SH2D4B: variants seen among roughly 807,000 people sequenced by gnomAD.
SH2D4B encodes the protein SH2 domain-containing protein 4B.
Under a neutral mutation model 61.5 loss-of-function variants are expected in SH2D4B, and 45 were observed. That is an observed-to-expected ratio of 0.73 (90% CI 0.58 to 0.94). SH2D4B has a LOEUF of 0.94. SH2D4B is among the 40% of genes least tolerant of loss of function. The pLI, the probability that SH2D4B is intolerant of heterozygous loss-of-function variation, is 0.00. For missense variants in SH2D4B, 572 were observed against 574.2 expected (o/e 1.00, Z 0.04); for synonymous variants, 224 against 220.4 (o/e 1.02, Z -0.14).
chr10:80,549,431 C>T (rs958194985), intron 1 of SH2D4B, among the ~76,000 whole-genome samples: 2 of 152,190 alleles, frequency 1.3e-5, no homozygotes, highest in African/African-American at 4.8e-5. Context: ...TGTTCTGCCT[C>T]CATACAGCAG....
intron 1 of SH2D4B, among the ~76,000 whole-genome samples, chr10:80,556,074 C>T (rs564249206): frequency 1.3e-5 from 2 of 151,892 alleles, no homozygotes; most frequent in East Asian, 3.9e-4. Flanking sequence ...CATATATGAC[C>T]TTTCTCACTC....
Position 80,538,436 on chromosome 10 carries a change from G to T in SH2D4B, c.105G>T (p.Gln35His). 1 of 1,496,286 alleles carries T rather than the reference G, an allele frequency of 6.7e-7. No homozygotes were observed. 92.7% of individuals were successfully genotyped at this position (1,496,286 alleles called of 1,614,324 possible). A position where few individuals can be genotyped will look rare whatever the true frequency, so the allele number is the denominator to read the frequency against. Residue 35 changes from glutamine (Q) to histidine (H), a missense_variant, in exon 1 of 8, where the codon CAG (glutamine) becomes CAT (histidine). Physicochemically the swap from Gln to His is conservative, Grantham distance 24. Coordinates refer to ENST00000646907, the MANE Select transcript of SH2D4B (RefSeq NM_001388272.1). This position sits in a 1 kb window ranked among gnomAD's most constrained non-coding sequence, Gnocchi z 4.8. ...TCTTCTACAAAATGCGGGAGGAGCA[G>T]CTGAGGCGCTGGAAGGAGCGGGAGA... Reference protein sequence around the residue: ...HILFYKMREEQLRRWKERETW... With the variant: ...HILFYKMREEHLRRWKERETW...
chr10:80,627,625 A>G lies in SH2D4B; in HGVS notation c.989-6660A>G, dbSNP rs533904433. Among the ~76,000 whole-genome samples, 11 of 151,758 alleles carry G rather than the reference A, an allele frequency of 7.2e-5. No individual in the cohort carries two copies. The South Asian group carries it at 2.3e-3, about 32-fold the overall frequency. On this transcript the variant is annotated intron_variant, in intron 6 of 7. Coordinates refer to ENST00000646907, the MANE Select transcript of SH2D4B (RefSeq NM_001388272.1). ...GCCTTTATCACCATTGCTCACAGTT[A>G]GCCTTTTATTTTTATATTACAAAAT...
At chr10:80,570,047 C>A (rs759410691) in intron 1 of SH2D4B, 107 bp from the exon 2 acceptor site, 2 of 1,348,192 alleles carry the variant, frequency 1.5e-6, no homozygotes, top group Non-Finnish European at 1.0e-6. Flanking sequence ...TTGTGGATGA[C>A]AATGTTCCAT....
chr10:80,560,291 C>CT (rs1362453868), intron 1 of SH2D4B, among the ~76,000 whole-genome samples: 1 of 151,488 alleles, frequency 6.6e-6, no homozygotes, highest in East Asian at 1.9e-4. Context: ...CCGGCTGCAC[C>CT]TTTTTTTTAT....
chr10:80,538,664 C>A lies in SH2D4B; in HGVS notation c.184+149C>A. On this transcript the variant is annotated intron_variant, in intron 1 of 7. Transcript: ENST00000646907. This position sits in a 1 kb window ranked among gnomAD's most constrained non-coding sequence, Gnocchi z 4.8. ...ACCCTTGTCTTGTGGGCATCAGGTC[C>A]CATGAGCCTGTGCTTTTGCCTTTTG... 1 of 676,384 alleles carries A rather than the reference C, an allele frequency of 1.5e-6. No individual in the cohort carries two copies. The highest frequency in any genetic ancestry group is 4.3e-5 in the Admixed American group (1 of 23,270). The allele number at this position is 676,384 out of a possible 1,614,324, so 41.9% of individuals were successfully genotyped here.
At chr10:80,598,486 C>G (rs1842411221) in intron 4 of SH2D4B, among the ~76,000 whole-genome samples, 1 of 152,146 alleles carries the variant, frequency 6.6e-6, no homozygotes. Flanking sequence ...CTTAGCCTTT[C>G]TTAAAGAATG....
chr10:80,644,171 C>T lies in SH2D4B; in HGVS notation c.*86C>T, dbSNP rs1158113121. ...TTCTCATCTCAAATCCTATGGCCTTCTGGAAGATCCACCACTATCCAAAGG... is the reference window on the plus strand; with the variant it reads ...TTCTCATCTCAAATCCTATGGCCTTTTGGAAGATCCACCACTATCCAAAGG... On this transcript the variant is annotated 3_prime_UTR_variant, in exon 8 of 8. Coordinates refer to ENST00000646907, the MANE Select transcript of SH2D4B (RefSeq NM_001388272.1). The T allele has an allele frequency of 3.8e-6, 4 of 1,063,758 alleles. No homozygotes were observed. The Admixed American group carries it at 7.8e-5, about 21-fold the overall frequency. The allele number at this position is 1,063,758 out of a possible 1,614,324, so 65.9% of individuals were successfully genotyped here.
At chr10:80,563,102 C>T (rs1294710036) in intron 1 of SH2D4B, among the ~76,000 whole-genome samples, 1 of 151,522 alleles carries the variant, frequency 6.6e-6, no homozygotes, top group Non-Finnish European at 1.5e-5. Context: ...GGGGTTTCAC[C>T]GTTTTAGCCG....
At chr10:80,582,821 C>T (rs993152271) in intron 3 of SH2D4B, among the ~76,000 whole-genome samples, 1 of 152,194 alleles carries the variant, frequency 6.6e-6, no homozygotes, top group Non-Finnish European at 1.5e-5. Flanking sequence ...GCAGGCAGTC[C>T]TGCTTGCAGC....
intron 6 of SH2D4B, among the ~76,000 whole-genome samples, chr10:80,618,583 C>T (rs1842683929): frequency 6.6e-6 from 1 of 152,114 alleles, no homozygotes; most frequent in Admixed American, 6.5e-5. Flanking sequence ...ATAATTCCAG[C>T]CTCCTTAATG....
chr10:80,607,013 T>A (rs1001271919), intron 5 of SH2D4B, among the ~76,000 whole-genome samples: 3 of 152,154 alleles, frequency 2.0e-5, no homozygotes, highest in Non-Finnish European at 2.9e-5. Flanking sequence ...TGCCATAGAT[T>A]AGCTGAAAAA....
rs1840352710 is a variant in SH2D4B, at chr10:80,643,993, G to C, written c.1210G>C (p.Glu404Gln). The C allele has an allele frequency of 6.2e-7, 1 of 1,612,644 alleles. No homozygotes were observed. The highest frequency in any genetic ancestry group is 8.5e-7 in the Non-Finnish European group (1 of 1,179,360). ...GATTTTCCTTTTTTTTCTGTTTTAGGAGGAAATTATCACTGTTTCAGGAGG... is the reference window on the plus strand; with the variant it reads ...GATTTTCCTTTTTTTTCTGTTTTAGCAGGAAATTATCACTGTTTCAGGAGG... ...TLTDLVDFHKEEIITVSGGEL... is the reference protein window; with the variant it reads ...TLTDLVDFHKQEIITVSGGEL... Residue 404 changes from glutamate to glutamine, a missense_variant and splice_region_variant, in exon 8 of 8, where the codon GAG (glutamate) becomes CAG (glutamine). By Grantham distance (29) the Glu-to-Gln change is conservative (BLOSUM62 2). Coordinates refer to ENST00000646907, the MANE Select transcript of SH2D4B (RefSeq NM_001388272.1).
chr10:80,622,725 G>A (rs923063129), intron 6 of SH2D4B, among the ~76,000 whole-genome samples: 2 of 152,166 alleles, frequency 1.3e-5, no homozygotes, highest in Non-Finnish European at 2.9e-5. Flanking sequence ...CTGCTTTCCA[G>A]TGAATTCTGT....
intron 4 of SH2D4B, among the ~76,000 whole-genome samples, chr10:80,598,411 A>T (rs1398027694): frequency 1.3e-5 from 2 of 152,172 alleles, no homozygotes; most frequent in African/African-American, 2.4e-5. Flanking sequence ...GGCAACTGAA[A>T]ATGGGAAAGC....
At chr10:80,617,903 A>G (rs903560326) in intron 6 of SH2D4B, among the ~76,000 whole-genome samples, 21 of 152,186 alleles carry the variant, frequency 1.4e-4, no homozygotes, top group Non-Finnish European at 4.4e-5. Context: ...ATTAGTCCCA[A>G]TAGTCTGCTT....
In SH2D4B at chr10:80,636,328, G is replaced by A. The variant is rs71483316; in HGVS notation, c.1209+1823G>A. Reference sequence around the variant, plus strand: ...GTATATACTCAGTAATGGGATCGCTGGGTCAAATGGTATTTCTAGTTCTAG... The same window carrying A: ...GTATATACTCAGTAATGGGATCGCTAGGTCAAATGGTATTTCTAGTTCTAG... On this transcript the variant is annotated intron_variant, in intron 7 of 7. Transcript: ENST00000646907. Among the ~76,000 whole-genome samples the A allele has an allele frequency of 5.7e-3, 867 of 152,248 alleles. 4 individuals are homozygous for A. Among genetic ancestry groups the A allele is most frequent in the Non-Finnish European group, 8.1e-3 (548 of 68,032 alleles).
rs150992525 is a variant in SH2D4B, at chr10:80,630,407, G to A, written c.989-3878G>A. 5.4e-3 allele frequency among the ~76,000 whole-genome samples: 823 copies of A among 152,328 alleles called. 4 individuals carry two copies. The highest frequency in any genetic ancestry group is 0.019 in the African/African-American group (777 of 41,568). On this transcript the variant is annotated intron_variant, in intron 6 of 7. Coordinates refer to ENST00000646907, the MANE Select transcript of SH2D4B (RefSeq NM_001388272.1). ...CAGCCACAGGCCCCAGCCTTGAGCGGCTCATAGCCTATTTACTAATCTACT... is the reference window on the plus strand; with the variant it reads ...CAGCCACAGGCCCCAGCCTTGAGCGACTCATAGCCTATTTACTAATCTACT...
intron 6 of SH2D4B, among the ~76,000 whole-genome samples, chr10:80,616,700 C>T (rs867687357): frequency 6.6e-5 from 10 of 152,158 alleles, no homozygotes; most frequent in African/African-American, 2.4e-4. Context: ...TGGCTGGTAT[C>T]TATGGGATGT....
Sources: allele counts gnomAD v4.1 joint callset (sites outside exome capture counted in the v4.1 genomes callset), GRCh38; gene constraint gnomAD v4.1.1; non-coding constraint Gnocchi (gnomAD v3.1); transcripts MANE v1.5; gene names NCBI Gene and HGNC (gene_info 2026-07-23, HGNC 2026-07-21).